Variants in SETBP1 observed in about 807,000 individuals in gnomAD.
SETBP1 encodes SET binding protein 1, also known as SET-binding protein.
Under a neutral mutation model 101.0 loss-of-function variants are expected in SETBP1, and 9 were observed. The ratio of observed to expected loss-of-function variants is 0.09; its 90% CI spans 0.05 to 0.16. The LOEUF is 0.16. Among genes scored for constraint, SETBP1 ranks in the 10% least tolerant of loss-of-function variants. The pLI, the probability that SETBP1 is intolerant of heterozygous loss-of-function variation, is 1.00. For synonymous variants in SETBP1, 818 were observed against 788.5 expected (o/e 1.04, Z -0.63); for missense variants, 1,858 against 2,033.8 (o/e 0.91, Z 1.66).
At chr18:44,810,685 AACTTGAGC>A (rs761973425) in intron 2 of SETBP1, among the ~76,000 whole-genome samples, 6 of 152,206 alleles carry the variant, frequency 3.9e-5, no homozygotes, top group Non-Finnish European at 7.3e-5. Flanking sequence ...AGTTTTCTAG[AACTTGAGC>A]ACTTCAAAGC....
chr18:45,028,206 T>C (rs1599466807), intron 4 of SETBP1, among the ~76,000 whole-genome samples: 2 of 129,846 alleles, frequency 1.5e-5, no homozygotes, highest in East Asian at 5.0e-4. Flanking sequence ...TTCCCCTTCC[T>C]GTGTCCATGT....
intron 2 of SETBP1, among the ~76,000 whole-genome samples, chr18:44,844,347 A>ACGCG (rs35857171): frequency 1.0e-4 from 12 of 117,488 alleles, no homozygotes; most frequent in East Asian, 5.7e-4. Flanking sequence ...ACGTGCACAC[A>ACGCG]CGCGCGCACA....
intron 2 of SETBP1, among the ~76,000 whole-genome samples, chr18:44,828,038 A>T (rs924765127): frequency 6.6e-6 from 1 of 152,188 alleles, no homozygotes; most frequent in Non-Finnish European, 1.5e-5. Flanking sequence ...TCAAAACACA[A>T]ACTTGACTTT....
At chr18:44,786,310 C>T (rs1424191258) in intron 2 of SETBP1, among the ~76,000 whole-genome samples, 3 of 152,170 alleles carry the variant, frequency 2.0e-5, no homozygotes, top group African/African-American at 7.2e-5. Flanking sequence ...GACACACACA[C>T]CCCAGGCTTT....
intron 5 of SETBP1, among the ~76,000 whole-genome samples, chr18:45,055,749 T>C (rs559392612): frequency 6.0e-4 from 91 of 152,358 alleles, no homozygotes; most frequent in African/African-American, 2.2e-3. Flanking sequence ...AAGATTTTTG[T>C]TGAAACTTGG....
chr18:44,773,838 ATGTGTGTG>A (rs61649185), intron 2 of SETBP1, among the ~76,000 whole-genome samples: 2 of 134,282 alleles, frequency 1.5e-5, no homozygotes, highest in Non-Finnish European at 1.6e-5. Context: ...CTCTCTGTTT[ATGTGTGTG>A]TGTGTGTGTG....
At chr18:44,711,543 T>TAA (rs1326219249) in intron 2 of SETBP1, among the ~76,000 whole-genome samples, 1 of 150,456 alleles carries the variant, frequency 6.6e-6, no homozygotes, top group Non-Finnish European at 1.5e-5. Flanking sequence ...TTTCTTTTTT[T>TAA]AAAACAGGGT....
At chr18:44,716,178 G>A (rs1055377395) in intron 2 of SETBP1, among the ~76,000 whole-genome samples, 23 of 152,104 alleles carry the variant, frequency 1.5e-4, no homozygotes, top group Non-Finnish European at 4.4e-5. Context: ...TCATGCTCCC[G>A]GAGGAAAGGT....
At chr18:44,896,878 C>T (rs1221065300) in intron 3 of SETBP1, among the ~76,000 whole-genome samples, 1 of 152,076 alleles carries the variant, frequency 6.6e-6, no homozygotes, top group Admixed American at 6.6e-5. Context: ...TGTCAATGTC[C>T]TTCTTACTCT....
chr18:45,021,651 C>A (rs1264176863), intron 4 of SETBP1, among the ~76,000 whole-genome samples: 1 of 152,074 alleles, frequency 6.6e-6, no homozygotes, highest in Non-Finnish European at 1.5e-5. Context: ...AAATTGAAAA[C>A]CCCAGAGCAA....
rs1424629680 is a variant in SETBP1 at position 44,744,412 on chromosome 18, G to C, written c.486+42580G>C. 2.0e-5 allele frequency among the ~76,000 whole-genome samples: 3 copies of C among 152,254 alleles called. No homozygotes were observed. The East Asian group carries it at 5.8e-4, about 29-fold the overall frequency. ...TGAGGGGCCCTGCCTGGGAACAGGG[G>C]CTCCCTGGCCTGGCGTGAGGGCTGC... On this transcript the variant is annotated intron_variant, in intron 2 of 5. Coordinates refer to ENST00000649279, the MANE Select transcript of SETBP1 (RefSeq NM_015559.3).
At position 44,701,800 on chromosome 18, in the gene SETBP1, A is replaced by C. The variant is rs766219057; in HGVS notation, c.454A>C (p.Lys152Gln). The stretch of plus-strand genomic sequence containing the variant: ...TGCTGGAAAAAATAGCAAAGCCACG[A>C]AGGAGGAAGAAAGAAGCCACTCCAA... Reference protein sequence around the residue: ...SRAGKNSKATKEEERSHSKKK... With the variant: ...SRAGKNSKATQEEERSHSKKK... Residue 152 changes from lysine (K) to glutamine (Q), a missense_variant, in exon 2 of 6, where the codon AAG (lysine) becomes CAG (glutamine). Physicochemically the swap from Lys to Gln is moderately conservative, Grantham distance 53. Around this residue, in one of 12 missense-constraint regions of SETBP1, gnomAD observed 581 missense variants for 535.1 expected, o/e 1.09. Coordinates refer to ENST00000649279, the MANE Select transcript of SETBP1 (RefSeq NM_015559.3). The C allele has an allele frequency of 1.2e-6, 2 of 1,613,704 alleles. No individual in the cohort carries two copies. Among genetic ancestry groups the C allele is most frequent in the African/African-American group, 2.7e-5 (2 of 74,938 alleles).
intron 5 of SETBP1, among the ~76,000 whole-genome samples, chr18:45,058,691 A>G (rs2073846796): frequency 1.3e-5 from 2 of 152,254 alleles, no homozygotes; most frequent in African/African-American, 4.8e-5. Flanking sequence ...TAACAAGCAT[A>G]AAGGAGAAAT....
intron 2 of SETBP1, among the ~76,000 whole-genome samples, chr18:44,856,921 C>T (rs1394164536): frequency 2.0e-5 from 3 of 152,296 alleles, no homozygotes; most frequent in South Asian, 2.1e-4. Flanking sequence ...TATAGCTCCC[C>T]GTGTAGCAAC....
At chr18:44,885,174 TC>T (rs1213016477) in intron 3 of SETBP1, among the ~76,000 whole-genome samples, 1 of 152,146 alleles carries the variant, frequency 6.6e-6, no homozygotes, top group Non-Finnish European at 1.5e-5. Context: ...TCTAAGAAAT[TC>T]CCTTTGCAAC....
chr18:44,944,931 A>C (rs1017600277), intron 3 of SETBP1, among the ~76,000 whole-genome samples: 1 of 152,168 alleles, frequency 6.6e-6, no homozygotes, highest in Non-Finnish European at 1.5e-5. Context: ...TCAGTGATCT[A>C]ATTTTGTTTT....
At chr18:45,057,226 C>G (rs2073823769) in intron 5 of SETBP1, among the ~76,000 whole-genome samples, 1 of 151,974 alleles carries the variant, frequency 6.6e-6, no homozygotes, top group South Asian at 2.1e-4. Context: ...CTTTTAAGGC[C>G]AGGACTGTAG....
chr18:44,867,706 T>TG (rs1442854267), intron 2 of SETBP1, among the ~76,000 whole-genome samples: 3 of 142,150 alleles, frequency 2.1e-5, no homozygotes, highest in Non-Finnish European at 4.6e-5. Flanking sequence ...ACCTTCCACA[T>TG]GGGGGGATCT....
rs868160038 is a variant in SETBP1 at position 44,861,343 on chromosome 18, G to A, written c.487-7887G>A. 9.2e-4 allele frequency among the ~76,000 whole-genome samples: 129 copies of A among 140,946 alleles called. 1 individual carries two copies. The Middle Eastern group carries it at 0.025, about 28-fold the overall frequency. 92.5% of individuals were successfully genotyped at this position (140,946 alleles called of 152,430 possible). On this transcript the variant is annotated intron_variant, in intron 2 of 5. Coordinates refer to ENST00000649279, the MANE Select transcript of SETBP1 (RefSeq NM_015559.3). ...AACCTCCGCCTCTCAAGTTCATGCC[G>A]TTCTCCTGCCTCAGCCTCCCGAGTA... is the stretch of plus-strand genomic sequence containing the variant.
Sources: allele counts gnomAD v4.1 joint callset (sites outside exome capture counted in the v4.1 genomes callset), GRCh38; gene constraint gnomAD v4.1.1; regional missense constraint gnomAD v4.1.1; transcripts MANE v1.5; gene names NCBI Gene and HGNC (gene_info 2026-07-23, HGNC 2026-07-21).